The following DLG2 variants were observed in gnomAD, a reference collection of about 807,000 sequenced individuals.
DLG2 encodes disks large homolog 2.
In DLG2, 45 loss-of-function variants were observed where a neutral mutation model predicts 132.5. The ratio of observed to expected loss-of-function variants is 0.34; its 90% confidence interval spans 0.27 to 0.44. DLG2 has a LOEUF of 0.44. Ranked by LOEUF, DLG2 falls within the 20% of genes least tolerant of loss-of-function variation. The probability of loss-of-function intolerance (pLI) is 1.00; values close to 1 mark genes in which losing one functional copy is unlikely to be tolerated. For synonymous variants in DLG2, 424 were observed against 419.6 expected, an observed-to-expected ratio of 1.01 and a Z score of -0.13; for missense variants, 1,045 against 1,196.9, an observed-to-expected ratio of 0.87 and a Z score of 1.87.
chr11:84,595,617 A>G (rs912913773), intron 6 of DLG2, among the ~76,000 whole-genome samples: 1 of 152,186 alleles, frequency 6.6e-6, no homozygotes, highest in Non-Finnish European at 1.5e-5. Flanking sequence ...TTTTGCGGAG[A>G]AAACACAATC....
intron 3 of DLG2, among the ~76,000 whole-genome samples, chr11:85,583,690 G>C (rs1314017941): frequency 6.6e-6 from 1 of 152,132 alleles, no homozygotes; most frequent in African/African-American, 2.4e-5. Context: ...CTAGGAGCCA[G>C]AACTGACAGG....
chr11:84,163,116 A>G (rs1162616607), intron 9 of DLG2, among the ~76,000 whole-genome samples: 1 of 152,176 alleles, frequency 6.6e-6, no homozygotes, highest in Non-Finnish European at 1.5e-5. Context: ...TCGATATCAC[A>G]CAAATGAAAA....
chr11:83,977,928 T>C (rs1285390413), intron 12 of DLG2, among the ~76,000 whole-genome samples: 4 of 152,086 alleles, frequency 2.6e-5, no homozygotes, highest in African/African-American at 9.7e-5. Flanking sequence ...CTGTTTTCAG[T>C]GATGATATAC....
At chr11:84,399,406 T>C (rs919560573) in intron 7 of DLG2, among the ~76,000 whole-genome samples, 4 of 152,122 alleles carry the variant, frequency 2.6e-5, no homozygotes, top group African/African-American at 9.7e-5. Flanking sequence ...GGAGCCATGA[T>C]GGCACTAAAA....
At chr11:84,934,515 G>GT (rs2048482997) in intron 6 of DLG2, among the ~76,000 whole-genome samples, 3 of 40,502 alleles carry the variant, frequency 7.4e-5, no homozygotes, top group South Asian at 9.3e-4. Context: ...TTTTTTTTTT[G>GT]TTTTGTTTTG....
chr11:84,970,912 T>G (rs1410123398), intron 6 of DLG2, among the ~76,000 whole-genome samples: 3 of 152,096 alleles, frequency 2.0e-5, no homozygotes, highest in Non-Finnish European at 4.4e-5. Context: ...TCTGGAGGAG[T>G]CTACCAACTC....
At chr11:84,648,788 TA>T (rs2099678036) in intron 6 of DLG2, among the ~76,000 whole-genome samples, 4 of 151,998 alleles carry the variant, frequency 2.6e-5, no homozygotes, top group African/African-American at 9.7e-5. Flanking sequence ...TATATATATA[TA>T]TATCTCACAC....
At position 84,038,674 on chromosome 11, in the gene DLG2, A is replaced by G. The variant is rs186316222; in HGVS notation, c.919+20641T>C. ...TCCAGATATTATCCATATTCTATGT[A>G]TATATAAGTCTGTTAGTCTGTTCTC... On this transcript the variant is annotated intron_variant, in intron 11 of 27. Transcript: ENST00000376104. Among the ~76,000 whole-genome samples, 38 of 152,208 alleles carry G rather than the reference A, an allele frequency of 2.5e-4. 1 individual carries two copies. The East Asian group carries it at 6.6e-3, about 26-fold the overall frequency.
chr11:85,022,935 C>G (rs1159445439), intron 6 of DLG2, among the ~76,000 whole-genome samples: 4 of 152,064 alleles, frequency 2.6e-5, no homozygotes, highest in African/African-American at 9.7e-5. Flanking sequence ...GGAAAAAAAT[C>G]TTACCCAACT....
intron 6 of DLG2, among the ~76,000 whole-genome samples, chr11:84,675,271 G>A (rs1451795746): frequency 1.3e-5 from 2 of 152,018 alleles, no homozygotes; most frequent in African/African-American, 4.8e-5. Flanking sequence ...AGCCTCTTCA[G>A]ATAAAAACCT....
At chr11:83,759,076 A>G (rs2093781640) in intron 18 of DLG2, among the ~76,000 whole-genome samples, 1 of 152,218 alleles carries the variant, frequency 6.6e-6, no homozygotes, top group African/African-American at 2.4e-5. Flanking sequence ...CAGACACCGG[A>G]ATGAGTCAGA....
At chr11:84,101,911 A>T (rs900922843) in intron 9 of DLG2, among the ~76,000 whole-genome samples, 1 of 152,088 alleles carries the variant, frequency 6.6e-6, no homozygotes, top group Non-Finnish European at 1.5e-5. Flanking sequence ...GATATTCGTG[A>T]TCTAACTCTT....
At chr11:83,571,403 T>A (rs1184138246) in intron 19 of DLG2, among the ~76,000 whole-genome samples, 1 of 152,102 alleles carries the variant, frequency 6.6e-6, no homozygotes. Context: ...AAATCTTTTT[T>A]TTCTAGCAAA....
At chr11:84,803,344 T>C (rs770330687) in intron 6 of DLG2, among the ~76,000 whole-genome samples, 1 of 152,218 alleles carries the variant, frequency 6.6e-6, no homozygotes, top group Non-Finnish European at 1.5e-5. Context: ...GTGTCTTCTT[T>C]AATGAAAGCT....
At chr11:85,343,374 T>C (rs534588818) in intron 3 of DLG2, among the ~76,000 whole-genome samples, 9 of 152,296 alleles carry the variant, frequency 5.9e-5, no homozygotes, top group South Asian at 4.1e-4. Flanking sequence ...TTCCTCTTTG[T>C]TTATCCCTCC....
intron 18 of DLG2, among the ~76,000 whole-genome samples, chr11:83,709,161 CAAGA>C (rs1443825791): frequency 6.6e-6 from 1 of 151,202 alleles, no homozygotes; most frequent in Non-Finnish European, 1.5e-5. Flanking sequence ...TGCAATTCAT[CAAGA>C]AAGAATCTTT....
At position 84,504,580 on chromosome 11, in the gene DLG2, GT is replaced by G. The variant is rs144480768; in HGVS notation, c.519+29989del. Among the ~76,000 whole-genome samples, 236 of 152,118 alleles carry G rather than the reference GT, an allele frequency of 1.6e-3. 1 individual carries two copies. The highest frequency in any genetic ancestry group is 5.5e-3 in the African/African-American group (227 of 41,504). ...GCCAACATTCTTTTTCATCTTCAGAGTTTTTTCCCTAAAACCTAAAGTTGAT... is the reference window on the plus strand; with the variant it reads ...GCCAACATTCTTTTTCATCTTCAGAGTTTTTCCCTAAAACCTAAAGTTGAT... On this transcript the variant is annotated intron_variant, in intron 7 of 27. Coordinates refer to ENST00000376104, the MANE Select transcript of DLG2 (RefSeq NM_001142699.3).
intron 6 of DLG2, among the ~76,000 whole-genome samples, chr11:84,959,536 A>G (rs1210843799): frequency 6.6e-6 from 1 of 152,218 alleles, no homozygotes; most frequent in Non-Finnish European, 1.5e-5. Flanking sequence ...ATTGGATACA[A>G]GACCTCAGTC....
Position 84,324,342 on chromosome 11 carries a change from T to C in DLG2, c.520-73051A>G, listed in dbSNP as rs569068674. On this transcript the variant is annotated intron_variant, in intron 7 of 27. Transcript: ENST00000376104. ...CCCATGTGTAGTCTTGGCACCTCTG[T>C]AAAAGATCATTTGATTTTTATCTGT... Among the ~76,000 whole-genome samples the C allele has an allele frequency of 2.0e-5, 3 of 152,148 alleles. No individual in the cohort carries two copies. In the South Asian group the frequency reaches 6.2e-4, roughly 32 times the overall value.
Sources: allele counts gnomAD v4.1 joint callset (sites outside exome capture counted in the v4.1 genomes callset), GRCh38; gene constraint gnomAD v4.1.1; transcripts MANE v1.5; gene names NCBI Gene and HGNC (gene_info 2026-07-23, HGNC 2026-07-21).